Variants in FRMPD4 observed in about 807,000 individuals in gnomAD.
The protein encoded by FRMPD4 is FERM and PDZ domain-containing protein 4.
A neutral mutation model predicts 94.1 loss-of-function variants in FRMPD4; 22 were observed. The ratio of observed to expected loss-of-function variants is 0.23; its 90% CI spans 0.17 to 0.33. The LOEUF is 0.33. FRMPD4 is among the 10% of genes least tolerant of loss of function. The pLI, the probability that FRMPD4 is intolerant of heterozygous loss-of-function variation, is 1.00. For missense variants in FRMPD4, 1,111 were observed against 1,339.9 expected (o/e 0.83, Z 2.67); for synonymous variants, 631 against 548.6 (o/e 1.15, Z -2.10).
intron 3 of FRMPD4, among the ~76,000 whole-genome samples, chrX:11,969,689 G>A (rs937937136): frequency 9.0e-6 from 1 of 111,674 alleles, no homozygotes; most frequent in Non-Finnish European, 1.9e-5. Flanking sequence ...TCGGTGAAAG[G>A]CTGGCTAAAT....
At chrX:11,927,067 C>A (rs1373119087) in intron 3 of FRMPD4, among the ~76,000 whole-genome samples, 1 of 110,759 alleles carries the variant, frequency 9.0e-6, no homozygotes, top group Non-Finnish European at 1.9e-5. Context: ...GATACAAAAT[C>A]AATGTGCCAA....
chrX:11,890,638 A>T (rs2053868736), intron 3 of FRMPD4, among the ~76,000 whole-genome samples: 2 of 112,582 alleles, frequency 1.8e-5, no homozygotes, highest in African/African-American at 6.5e-5. Flanking sequence ...ATTTTACAAA[A>T]GAGGAAACTG....
intron 1 of FRMPD4, among the ~76,000 whole-genome samples, chrX:12,322,740 C>T (rs2147926480): frequency 9.0e-6 from 1 of 111,713 alleles, no homozygotes; most frequent in Admixed American, 9.5e-5. Context: ...TCATACGTAG[C>T]ATTTCATTTT....
chrX:11,957,174 A>G (rs923945158), intron 3 of FRMPD4, among the ~76,000 whole-genome samples: 2 of 112,097 alleles, frequency 1.8e-5, no homozygotes, highest in Non-Finnish European at 1.9e-5. Context: ...CATGACTCTC[A>G]TACATACAAA....
intron 14 of FRMPD4, among the ~76,000 whole-genome samples, chrX:12,711,894 C>T (rs1338957758): frequency 9.1e-6 from 1 of 109,675 alleles, no homozygotes; most frequent in Non-Finnish European, 1.9e-5. Context: ...AATATGTAGA[C>T]ACACTTAAAC....
chrX:12,202,485 T>C (rs2147721190), intron 1 of FRMPD4, among the ~76,000 whole-genome samples: 1 of 112,237 alleles, frequency 8.9e-6, no homozygotes, highest in Admixed American at 9.4e-5. Context: ...AAGGTTTAGT[T>C]CTAAGAATAC....
At chrX:12,069,949 A>C (rs1189637857) in intron 3 of FRMPD4, among the ~76,000 whole-genome samples, 2 of 111,827 alleles carry the variant, frequency 1.8e-5, no homozygotes, top group Non-Finnish European at 3.8e-5. Context: ...AGTAGGTCCA[A>C]AGAGAAATAG....
chrX:11,860,899 T>G (rs1343596931), intron 1 of FRMPD4, among the ~76,000 whole-genome samples: 1 of 111,940 alleles, frequency 8.9e-6, no homozygotes, highest in Non-Finnish European at 1.9e-5. Flanking sequence ...CTAATTGTTC[T>G]TTTATTGAAA....
intron 3 of FRMPD4, among the ~76,000 whole-genome samples, chrX:11,967,228 G>T (rs1276971716): frequency 1.8e-5 from 2 of 111,799 alleles, no homozygotes; most frequent in Non-Finnish European, 3.8e-5. Context: ...TGGGACTACA[G>T]ATTTGTGACT....
intron 3 of FRMPD4, among the ~76,000 whole-genome samples, chrX:12,049,553 C>T (rs2054805178): frequency 9.0e-6 from 1 of 111,300 alleles, no homozygotes; most frequent in African/African-American, 3.3e-5. Context: ...GCCTGTATGA[C>T]GGTGGTCCTA....
intron 3 of FRMPD4, among the ~76,000 whole-genome samples, chrX:12,047,861 G>A (rs1050327427): frequency 8.9e-6 from 1 of 112,458 alleles, no homozygotes; most frequent in African/African-American, 3.2e-5. Context: ...ATTCCATGAC[G>A]TATACGTATG....
At chrX:12,359,209 A>G (rs1024373314) in intron 1 of FRMPD4, among the ~76,000 whole-genome samples, 2 of 112,119 alleles carry the variant, frequency 1.8e-5, no homozygotes, top group African/African-American at 6.5e-5. Context: ...ATGGAAATCC[A>G]GGGCATAGTC....
intron 3 of FRMPD4, among the ~76,000 whole-genome samples, chrX:11,908,836 C>A (rs946171280): frequency 3.6e-5 from 4 of 111,787 alleles, no homozygotes; most frequent in African/African-American, 1.3e-4. Flanking sequence ...AAGATATTTT[C>A]TGACCATATT....
At chrX:12,015,450 C>G (rs1234707768) in intron 3 of FRMPD4, among the ~76,000 whole-genome samples, 1 of 111,718 alleles carries the variant, frequency 9.0e-6, no homozygotes, top group East Asian at 2.8e-4. Context: ...CCAACCTGCA[C>G]TTTTTTCATT....
At chrX:12,589,304 C>A (rs1481277728) in intron 2 of FRMPD4, among the ~76,000 whole-genome samples, 1 of 111,540 alleles carries the variant, frequency 9.0e-6, no homozygotes, top group Non-Finnish European at 1.9e-5. Flanking sequence ...AGTGGAAATA[C>A]CATTATCTGA....
At chrX:11,905,575 G>A (rs1315573454) in intron 3 of FRMPD4, among the ~76,000 whole-genome samples, 1 of 111,528 alleles carries the variant, frequency 9.0e-6, no homozygotes, top group Admixed American at 9.5e-5. Context: ...AACAAGCATA[G>A]CCTATTAGAA....
chrX:12,348,140 C>G (rs2055743992), intron 1 of FRMPD4, among the ~76,000 whole-genome samples: 1 of 111,978 alleles, frequency 8.9e-6, no homozygotes, highest in Non-Finnish European at 1.9e-5. Flanking sequence ...TCATCACTTA[C>G]AAACAGTTAC....
At chrX:12,398,241 TTCTGATTTTTAAAA>T (rs925668584) in intron 1 of FRMPD4, among the ~76,000 whole-genome samples, 8 of 112,459 alleles carry the variant, frequency 7.1e-5, no homozygotes, top group African/African-American at 9.7e-5. Context: ...GAGATTTTTT[TTCTGATTTTTAAAA>T]TCTGATTTAA....
At chrX:12,250,233 C>G (rs191807975) in intron 1 of FRMPD4, among the ~76,000 whole-genome samples, 3 of 110,886 alleles carry the variant, frequency 2.7e-5, no homozygotes, top group Middle Eastern at 4.6e-3. Flanking sequence ...TGGAAACACA[C>G]TGCAGTTTCA....
Sources: allele counts gnomAD v4.1 joint callset (sites outside exome capture counted in the v4.1 genomes callset), GRCh38; gene constraint gnomAD v4.1.1; transcripts MANE v1.5; gene names NCBI Gene and HGNC (gene_info 2026-07-23, HGNC 2026-07-21).